BIN3: variants seen among roughly 807,000 people sequenced by gnomAD.
BIN3 encodes the protein bridging integrator 3.
A neutral mutation model predicts 38.2 loss-of-function variants in BIN3; 41 were observed. That is an observed-to-expected ratio of 1.07 (90% CI 0.84 to 1.39). The LOEUF (loss-of-function observed/expected upper bound fraction) is 1.39. Among genes scored for constraint, BIN3 ranks in the 40% most tolerant of loss-of-function variants. The probability of loss-of-function intolerance (pLI) is 0.00; values close to 1 mark genes in which losing one functional copy is unlikely to be tolerated. For missense variants in BIN3, 361 were observed against 324.3 expected (o/e 1.11, Z -0.87); for synonymous variants, 145 against 122.6 (o/e 1.18, Z -1.21).
chr8:22,663,798 T>C (rs1156551450), intron 1 of BIN3, among the ~76,000 whole-genome samples: 3 of 152,204 alleles, frequency 2.0e-5, no homozygotes, highest in Non-Finnish European at 4.4e-5. Context: ...GCCATGCTTC[T>C]TACCTGGATC....
chr8:22,646,678 G>C (rs1257848182), intron 1 of BIN3, among the ~76,000 whole-genome samples: 1 of 152,198 alleles, frequency 6.6e-6, no homozygotes, highest in African/African-American at 2.4e-5. Context: ...TAATAACCAG[G>C]GAGGAAAGGT....
chr8:22,640,652 G>A (rs909678278), intron 2 of BIN3, among the ~76,000 whole-genome samples: 2 of 152,230 alleles, frequency 1.3e-5, no homozygotes, highest in Non-Finnish European at 2.9e-5. Flanking sequence ...TGGGAGGGGT[G>A]CTGAGTGTTA....
At chr8:22,633,087 C>G (rs1802258601) in intron 4 of BIN3, among the ~76,000 whole-genome samples, 1 of 152,172 alleles carries the variant, frequency 6.6e-6, no homozygotes, top group Admixed American at 6.6e-5. Flanking sequence ...CAGTGGCCGG[C>G]CCTGGGCAGA....
At chr8:22,658,330 A>G (rs1027182991) in intron 1 of BIN3, among the ~76,000 whole-genome samples, 3 of 152,220 alleles carry the variant, frequency 2.0e-5, no homozygotes, top group African/African-American at 7.2e-5. Flanking sequence ...ATTTTCTTTC[A>G]TAATAAAGAA....
chr8:22,630,099 A>G (rs1802141217), intron 5 of BIN3, 95 bp from the exon 6 acceptor site: 2 of 1,298,598 alleles, frequency 1.5e-6, no homozygotes, highest in South Asian at 2.5e-5. Context: ...TAGGAAGTCT[A>G]AAGGGCCACA....
In BIN3 at chr8:22,666,435, C is replaced by CGA. The variant is rs756736252; in HGVS notation, c.8+2607_8+2608dup. 4.5e-3 allele frequency among the ~76,000 whole-genome samples: 686 copies of CGA among 151,256 alleles called. 5 individuals are homozygous for CGA. The highest frequency in any genetic ancestry group is 0.01 in the Middle Eastern group (3 of 294). On this transcript the variant is annotated intron_variant, in intron 1 of 8. Coordinates refer to ENST00000276416, the MANE Select transcript of BIN3 (RefSeq NM_018688.6). ...TGGACAATGGGAGAGAAAAAGAGAG[C>CGA]GAGAGAGAGAGAAGCATTTGGCTTG...
chr8:22,643,383 T>C (rs2117555038), intron 2 of BIN3, among the ~76,000 whole-genome samples: 1 of 151,822 alleles, frequency 6.6e-6, no homozygotes, highest in Admixed American at 6.6e-5. Context: ...TAGGGTGGAG[T>C]GCAGTGGTGC....
At chr8:22,642,446 C>G (rs535381688) in intron 2 of BIN3, among the ~76,000 whole-genome samples, 3 of 152,326 alleles carry the variant, frequency 2.0e-5, no homozygotes, top group Admixed American at 6.5e-5. Context: ...ATAACTACTC[C>G]GAGCTGTAGC....
intron 6 of BIN3, among the ~76,000 whole-genome samples, chr8:22,628,677 TTC>T (rs1038585069): frequency 3.3e-5 from 5 of 152,194 alleles, no homozygotes; most frequent in Non-Finnish European, 4.4e-5. Context: ...AGTTCCCCAG[TTC>T]TCTGAGTCCC....
At position 22,621,286 on chromosome 8, in the gene BIN3, C is replaced by CA; in HGVS notation, c.*135dup. The stretch of plus-strand genomic sequence containing the variant: ...TCCTGGTGCCAGGCTCAGGAAGAGT[C>CA]ATTCATTGCAAAGGGCCGGCAAGTG... On this transcript the variant is annotated 3_prime_UTR_variant, in exon 9 of 9. Coordinates refer to ENST00000276416, the MANE Select transcript of BIN3 (RefSeq NM_018688.6). 1 of 1,189,254 alleles carries CA rather than the reference C, an allele frequency of 8.4e-7. No homozygotes were observed. The highest frequency in any genetic ancestry group is 2.6e-4 in the Middle Eastern group (1 of 3,786). 73.7% of individuals were successfully genotyped at this position (1,189,254 alleles called of 1,614,324 possible).
intron 1 of BIN3, among the ~76,000 whole-genome samples, chr8:22,653,323 G>A (rs944360978): frequency 3.9e-5 from 6 of 152,078 alleles, no homozygotes; most frequent in South Asian, 2.1e-4. Context: ...AATGGATCTC[G>A]TTCTCTTAAT....
intron 4 of BIN3, among the ~76,000 whole-genome samples, chr8:22,631,660 T>C (rs1802206541): frequency 6.6e-6 from 1 of 152,208 alleles, no homozygotes; most frequent in South Asian, 2.1e-4. Flanking sequence ...AGGAAGCCAG[T>C]GGACAGGTCC....
chr8:22,660,829 G>C (rs1388340066), intron 1 of BIN3, among the ~76,000 whole-genome samples: 1 of 152,186 alleles, frequency 6.6e-6, no homozygotes, highest in East Asian at 1.9e-4. Flanking sequence ...AAACAGTACA[G>C]ATGCTGTTCA....
chr8:22,654,955 G>A (rs111835082), intron 1 of BIN3, among the ~76,000 whole-genome samples: 1 of 152,280 alleles, frequency 6.6e-6, no homozygotes, highest in Non-Finnish European at 1.5e-5. Flanking sequence ...TGGTATATAA[G>A]GGTTCCAATT....
rs143121934 is a variant in BIN3, at chr8:22,630,635, C to T, written c.161-57G>A. The T allele has an allele frequency of 3.4e-4, 541 of 1,596,766 alleles. 6 individuals carry two copies. The East Asian group carries it at 0.011, about 34-fold the overall frequency. ...ATGAAGGGGCAGGTTTCACGGCCTT[C>T]TCTCCAGGACCCCGTCCTCCTATGC... On this transcript the variant is annotated intron_variant, in intron 4 of 8. Coordinates refer to ENST00000276416, the MANE Select transcript of BIN3 (RefSeq NM_018688.6).
chr8:22,628,108 C>T (rs891974542), intron 6 of BIN3, among the ~76,000 whole-genome samples: 33 of 152,246 alleles, frequency 2.2e-4, no homozygotes, highest in African/African-American at 7.7e-4. Context: ...GGGCTGGGCG[C>T]AGCCAGCACT....
intron 2 of BIN3, among the ~76,000 whole-genome samples, chr8:22,640,607 C>A (rs1802517044): frequency 1.3e-5 from 2 of 152,138 alleles, no homozygotes; most frequent in South Asian, 2.1e-4. Context: ...AAACCAAACC[C>A]CTCTAGAGAT....
intron 2 of BIN3, among the ~76,000 whole-genome samples, chr8:22,644,411 C>T (rs567496627): frequency 1.3e-5 from 2 of 152,306 alleles, no homozygotes; most frequent in East Asian, 3.9e-4. Context: ...TTGGTGGGGG[C>T]CACTCTTTCA....
chr8:22,647,094 T>A (rs2117563870), intron 1 of BIN3, among the ~76,000 whole-genome samples: 1 of 152,308 alleles, frequency 6.6e-6, no homozygotes, highest in East Asian at 1.9e-4. Flanking sequence ...TCTTAAACTA[T>A]AAAACAAAGG....
Sources: gnomAD v4.1 joint callset for allele counts (sites outside exome capture counted in the v4.1 genomes callset) on GRCh38, gnomAD v4.1.1 for gene constraint, MANE v1.5 for transcripts, NCBI Gene and HGNC (gene_info 2026-07-23, HGNC 2026-07-21) for gene names.